The following BRF1 variants were observed in gnomAD, a reference collection of about 807,000 sequenced individuals.
BRF1 encodes the protein transcription factor IIIB 90 kDa subunit.
Under a neutral mutation model 81.7 loss-of-function variants are expected in BRF1, and 59 were observed. The observed-to-expected ratio is 0.72, with a 90% confidence interval of 0.59 to 0.90. BRF1 has a LOEUF of 0.90. BRF1 is among the 40% of genes least tolerant of loss of function. BRF1 has a pLI of 0.00. For synonymous variants in BRF1, 491 were observed against 395.6 expected (o/e 1.24, Z -2.86); for missense variants, 1,050 against 936.3 (o/e 1.12, Z -1.58).
At chr14:105,256,941 AAG>A (rs1275435685) in intron 3 of BRF1, among the ~76,000 whole-genome samples, 1 of 152,122 alleles carries the variant, frequency 6.6e-6, no homozygotes, top group Non-Finnish European at 1.5e-5. Flanking sequence ...CACAGCACAG[AAG>A]AGACAGTGGC....
chr14:105,218,341 G>A (rs587670834), intron 14 of BRF1, among the ~76,000 whole-genome samples: 10 of 152,308 alleles, frequency 6.6e-5, no homozygotes, highest in Admixed American at 2.6e-4. Flanking sequence ...ACCTTCCTGC[G>A]TGGCCCAGCA....
intron 5 of BRF1, chr14:105,247,257 A>G: frequency 1.0e-6 from 1 of 985,332 alleles, no homozygotes; most frequent in Non-Finnish European, 1.2e-6. Context: ...AGCTTTCCAA[A>G]CGGCTTGGCC....
chr14:105,247,435 C>T (rs2055196016), intron 5 of BRF1: 12 of 985,422 alleles, frequency 1.2e-5, no homozygotes, highest in Non-Finnish European at 1.3e-5. Context: ...CTGTTCACGT[C>T]CTTTGCCCGT....
In BRF1 at chr14:105,284,777, T is replaced by C. The variant is rs2057252125; in HGVS notation, c.265+1519A>G. 6.6e-6 allele frequency among the ~76,000 whole-genome samples: 1 copy of C among 152,032 alleles called. No individual in the cohort carries two copies. The highest frequency in any genetic ancestry group is 1.5e-5 in the Non-Finnish European group (1 of 67,996). On this transcript the variant is annotated intron_variant, in intron 2 of 17. Transcript: ENST00000547530. The surrounding 1 kb of genome is among the most constrained non-coding windows in gnomAD (Gnocchi z 4.0). The stretch of plus-strand genomic sequence containing the variant: ...GGATGTCTGTTCACACCACTGCTAT[T>C]CAATGTGGTAAACAAAAAAAACAAA...
At chr14:105,259,331 G>A (rs1157448078) in intron 3 of BRF1, among the ~76,000 whole-genome samples, 1 of 152,160 alleles carries the variant, frequency 6.6e-6, no homozygotes, top group Non-Finnish European at 1.5e-5. Flanking sequence ...TATTGTCCCA[G>A]CTACTCAGAA....
At chr14:105,263,084 C>T (rs369638186) in intron 3 of BRF1, among the ~76,000 whole-genome samples, 162 of 151,942 alleles carry the variant, frequency 1.1e-3, no homozygotes, top group African/African-American at 3.8e-3. Flanking sequence ...ACTAAAAATA[C>T]AAGTTAGCCA....
chr14:105,248,439 C>T, intron 5 of BRF1: 1 of 985,332 alleles, frequency 1.0e-6, no homozygotes, highest in Non-Finnish European at 1.2e-6. Context: ...GCGGCTCGCG[C>T]CGGTTGCTGG....
In BRF1 at chr14:105,300,762, C is replaced by G. The variant is rs947366699; in HGVS notation, c.-133G>C. 4.5e-6 allele frequency: 3 copies of G among 667,424 alleles called. No individual in the cohort carries two copies. The highest frequency in any genetic ancestry group is 4.1e-6 in the Non-Finnish European group (2 of 492,898). 41.3% of individuals were successfully genotyped at this position (667,424 alleles called of 1,614,324 possible). A position where few individuals can be genotyped will look rare whatever the true frequency, so the allele number is the denominator to read the frequency against. On this transcript the variant is annotated 5_prime_UTR_variant, in exon 1 of 18. Transcript: ENST00000547530. ...CGCTCTCGCGAGGCCCCGCTCCAGC[C>G]GATTCGCAGCCGCAGATTCGCCGCG...
At chr14:105,260,332 C>A (rs907213122) in intron 3 of BRF1, among the ~76,000 whole-genome samples, 3 of 151,726 alleles carry the variant, frequency 2.0e-5, no homozygotes, top group Non-Finnish European at 4.4e-5. Context: ...CAGGTGTGAG[C>A]GAGGGGACTC....
rs1156435465 is a variant in BRF1 at position 105,277,557 on chromosome 14, G to T, written c.266-4663C>A. Among the ~76,000 whole-genome samples the T allele has an allele frequency of 2.2e-5, 3 of 139,232 alleles. 1 individual carries two copies. Among genetic ancestry groups the T allele is most frequent in the Non-Finnish European group, 4.7e-5 (3 of 63,500 alleles). 91.3% of individuals were successfully genotyped at this position (139,232 alleles called of 152,430 possible). On this transcript the variant is annotated intron_variant, in intron 2 of 17. Coordinates refer to ENST00000547530, the MANE Select transcript of BRF1 (RefSeq NM_001519.4). ...CTGGGGAGGAGGCCACAGTGAGAAG[G>T]AGCTGAGAGGCGGCCCTCACTAGAG...
At position 105,244,947 on chromosome 14, in the gene BRF1, CA is replaced by C. The variant is rs764309466; in HGVS notation, c.545-3534del. ...AGGACATGCCATTTGACCCCAAGTGCAAAAAAAAAAAAACTAAAAATGAGCA... is the reference window on the plus strand; with the variant it reads ...AGGACATGCCATTTGACCCCAAGTGCAAAAAAAAAAAACTAAAAATGAGCA... On this transcript the variant is annotated intron_variant, in intron 5 of 17. Coordinates refer to ENST00000547530, the MANE Select transcript of BRF1 (RefSeq NM_001519.4). 1.2e-3 allele frequency among the ~76,000 whole-genome samples: 156 copies of C among 130,232 alleles called. 1 individual carries two copies. Among genetic ancestry groups the C allele is most frequent in the Non-Finnish European group, 1.2e-3 (72 of 60,500 alleles). 85.4% of individuals were successfully genotyped at this position (130,232 alleles called of 152,430 possible).
intron 5 of BRF1, chr14:105,242,448 G>A (rs1272436832): frequency 6.6e-6 from 1 of 152,070 alleles, no homozygotes; most frequent in African/African-American, 2.4e-5. Context: ...TAAAAAATAT[G>A]CTCATAGGCT....
chr14:105,303,676 G>A (rs893656754), upstream of BRF1, among the ~76,000 whole-genome samples: 1 of 152,184 alleles, frequency 6.6e-6, no homozygotes, highest in Non-Finnish European at 1.5e-5. Flanking sequence ...TCAATGTGCT[G>A]TGTTTTCATT....
At chr14:105,268,687 G>A (rs1339828190) in intron 3 of BRF1, among the ~76,000 whole-genome samples, 2 of 152,224 alleles carry the variant, frequency 1.3e-5, no homozygotes, top group African/African-American at 4.8e-5. Context: ...CGATACGATA[G>A]GAGGATCCTG....
intron 2 of BRF1, among the ~76,000 whole-genome samples, chr14:105,279,574 A>G (rs1477746259): frequency 1.3e-5 from 2 of 152,220 alleles, no homozygotes; most frequent in Non-Finnish European, 2.9e-5. Context: ...AAGGCTGCGG[A>G]GCCACTGGGA....
intron 1 of BRF1, among the ~76,000 whole-genome samples, chr14:105,292,175 TTTTC>T (rs2057543681): frequency 6.6e-6 from 1 of 151,798 alleles, no homozygotes; most frequent in South Asian, 2.1e-4. Context: ...TTATTTTTTG[TTTTC>T]TTTGTTTGTT....
intron 1 of BRF1, among the ~76,000 whole-genome samples, chr14:105,295,049 A>G (rs1595486585): frequency 6.6e-6 from 1 of 152,162 alleles, no homozygotes; most frequent in East Asian, 1.9e-4. Flanking sequence ...GTCTTCCAGA[A>G]AATAGAAGAG....
Position 105,212,131 on chromosome 14 carries a change from CTTTGCT to C in BRF1, c.1800_1805del (p.Ala601_Lys602del), listed in dbSNP as rs757755740. On this transcript the variant is annotated inframe_deletion, in exon 16 of 18. Coordinates refer to ENST00000547530, the MANE Select transcript of BRF1 (RefSeq NM_001519.4). ...AACACACCTCTCCCGTGGCCACCTTCTTTGCTGGCTGCGTAGACACCAGAGGCCTCA... is the reference window on the plus strand; with the variant it reads ...AACACACCTCTCCCGTGGCCACCTTCGGCTGCGTAGACACCAGAGGCCTCA... 6 of 1,612,862 alleles carry C rather than the reference CTTTGCT, an allele frequency of 3.7e-6. No individual in the cohort carries two copies. Among genetic ancestry groups the C allele is most frequent in the Non-Finnish European group, 5.1e-6 (6 of 1,179,740 alleles).
At chr14:105,222,880 A>G (rs936736060) in intron 10 of BRF1, among the ~76,000 whole-genome samples, 7 of 152,250 alleles carry the variant, frequency 4.6e-5, no homozygotes, top group South Asian at 4.1e-4. Context: ...TGCCCACCTC[A>G]GCCTCCCAAA....
Sources: gnomAD v4.1 joint callset for allele counts (sites outside exome capture counted in the v4.1 genomes callset) on GRCh38, gnomAD v4.1.1 for gene constraint, Gnocchi (gnomAD v3.1) non-coding constraint, MANE v1.5 for transcripts, NCBI Gene and HGNC (gene_info 2026-07-23, HGNC 2026-07-21) for gene names.